Variants in PIGG observed in about 807,000 individuals in gnomAD.
The protein encoded by PIGG is GPI ethanolamine phosphate transferase 2, catalytic subunit.
A neutral mutation model predicts 83.2 loss-of-function variants in PIGG; 70 were observed. That is an observed-to-expected ratio of 0.84 (90% CI 0.69 to 1.03). The LOEUF (loss-of-function observed/expected upper bound fraction) is 1.03, where lower values mean the gene tolerates loss of function less well. PIGG is among the 50% of genes least tolerant of loss of function. The probability of loss-of-function intolerance (pLI) is 0.00; values close to 1 mark genes in which losing one functional copy is unlikely to be tolerated. For missense variants in PIGG, 1,257 were observed against 1,233.6 expected (o/e 1.02, Z -0.28); for synonymous variants, 532 against 519.5 (o/e 1.02, Z -0.33).
intron 12 of PIGG, among the ~76,000 whole-genome samples, chr4:537,527 G>C (rs928440352): frequency 6.6e-6 from 1 of 152,218 alleles, no homozygotes; most frequent in African/African-American, 2.4e-5. Context: ...TCACCAGGAG[G>C]TGTATTGAGG....
At chr4:531,782 C>T (rs1486160633) in intron 11 of PIGG, 4 of 152,580 alleles carry the variant, frequency 2.6e-5, no homozygotes, top group African/African-American at 9.6e-5. Context: ...AGGCCCCTGT[C>T]CTCCTCGTAC....
chr4:516,534 G>C (rs767794628), intron 6 of PIGG, among the ~76,000 whole-genome samples: 3 of 152,294 alleles, frequency 2.0e-5, no homozygotes, highest in East Asian at 1.9e-4. Flanking sequence ...GGAAGTGATC[G>C]ATGGCCGATG....
At position 499,483 on chromosome 4, in the gene PIGG, TC is replaced by T. The variant is rs2108738309; in HGVS notation, c.149del (p.Ser50TrpfsTer23). ...AGCGGAGCCCCCAGCGCCCGAACCC[TC>T]GGCTGGTACGGACCCCTCCCCGGCG... ...HGAEPPAPEP[S>X]AGASSNWTTL... On this transcript the variant is annotated frameshift_variant, in exon 1 of 13. Transcript: ENST00000453061. LOFTEE classifies it high-confidence loss of function. The T allele has an allele frequency of 6.3e-7, 1 of 1,596,960 alleles. No individual in the cohort carries two copies. Among genetic ancestry groups the T allele is most frequent in the East Asian group, 2.2e-5 (1 of 44,648 alleles).
In PIGG at chr4:523,599, G is replaced by A. The variant is rs1247679300; in HGVS notation, c.1755G>A (p.Leu585=). ...HQTWYFLVNT[L]CLALSQETYR... is the part of the protein sequence containing the mutation. The stretch of plus-strand genomic sequence containing the variant: ...CCTGGTACTTCCTTGTGAACACCCT[G>A]TGTCTAGCTCTGAGCCAAGAAACCT... Residue 585 remains leucine, a synonymous_variant, in exon 9 of 13, where the codon CTG becomes CTA. Transcript: ENST00000453061. 1 of 1,614,048 alleles carries A rather than the reference G, an allele frequency of 6.2e-7. No homozygotes were observed. The highest frequency in any genetic ancestry group is 8.5e-7 in the Non-Finnish European group (1 of 1,180,028).
intron 7 of PIGG, 74 bp downstream of exon 7, chr4:521,347 A>AAT (rs920205394): frequency 3.6e-5 from 33 of 906,986 alleles, no homozygotes; most frequent in African/African-American, 6.8e-5. Flanking sequence ...TATAGTTTTA[A>AAT]ATATATATAT....
chr4:518,927 C>T (rs1280756541), intron 6 of PIGG, among the ~76,000 whole-genome samples: 4 of 152,184 alleles, frequency 2.6e-5, no homozygotes, highest in Non-Finnish European at 4.4e-5. Flanking sequence ...TGTGCCCACC[C>T]GGCTCTCTCA....
At chr4:530,157 A>G (rs761039930) in intron 10 of PIGG, among the ~76,000 whole-genome samples, 17 of 152,138 alleles carry the variant, frequency 1.1e-4, no homozygotes, top group Non-Finnish European at 2.1e-4. Flanking sequence ...AGATGAGCCA[A>G]ATGAGCAAGA....
intron 2 of PIGG, among the ~76,000 whole-genome samples, chr4:503,018 A>C (rs1378676746): frequency 6.6e-6 from 1 of 152,168 alleles, no homozygotes; most frequent in Non-Finnish European, 1.5e-5. Context: ...GCCAATAAGC[A>C]TATGCAGAGA....
intron 5 of PIGG, 70 bp downstream of exon 5, chr4:509,040 T>C: frequency 1.5e-6 from 2 of 1,368,932 alleles, no homozygotes; most frequent in Non-Finnish European, 2.0e-6. Context: ...GTTTTAATTT[T>C]GAAAACCTAT....
In PIGG at chr4:530,756, A is replaced by T. The variant is rs777836603; in HGVS notation, c.2571+11A>T. 1.3e-6 allele frequency: 2 copies of T among 1,542,834 alleles called. No homozygotes were observed. The highest frequency in any genetic ancestry group is 1.8e-6 in the Non-Finnish European group (2 of 1,117,768). ...TTCTTCTATTTTCAGGTAGGTTTTC[A>T]TTATTATCATGGGTAGTAGACTTCA... On this transcript the variant is annotated intron_variant, in intron 11 of 12. Transcript: ENST00000453061.
In PIGG at chr4:505,632, C is replaced by CAA. The variant is rs374663154; in HGVS notation, c.361-70_361-69dup. ...TGAGCAACAGAGAGGGACCCTGTCT[C>CAA]AAAAAAAAAAAAAAAAATCTTCAGT... On this transcript the variant is annotated intron_variant, in intron 2 of 12. Transcript: ENST00000453061. 0.096 allele frequency: 69,163 copies of CAA among 718,828 alleles called. 2,690 individuals carry two copies. The highest frequency in any genetic ancestry group is 0.11 in the Middle Eastern group (250 of 2,352). 44.5% of individuals were successfully genotyped at this position (718,828 alleles called of 1,614,324 possible).
intron 11 of PIGG, 104 bp from the exon 12 acceptor site, chr4:533,713 TG>T: frequency 9.2e-7 from 1 of 1,082,746 alleles, no homozygotes; most frequent in Non-Finnish European, 1.4e-6. Context: ...CGTGGTTATC[TG>T]GGCTGCCTAC....
At chr4:522,874 A>T (rs529003969) in intron 8 of PIGG, 167 of 153,450 alleles carry the variant, frequency 1.1e-3, no homozygotes, top group Non-Finnish European at 2.0e-3. Context: ...AAGTTAGTAT[A>T]TTTAAGAGAC....
intron 4 of PIGG, among the ~76,000 whole-genome samples, chr4:508,025 CTGTT>C (rs1240974367): frequency 1.4e-4 from 21 of 152,338 alleles, no homozygotes; most frequent in African/African-American, 4.6e-4. Context: ...GTCACTCTGT[CTGTT>C]CTGTGTCTCT....
At chr4:533,424 A>G in intron 11 of PIGG, 1 of 187,380 alleles carries the variant, frequency 5.3e-6, no homozygotes, top group South Asian at 1.2e-4. Context: ...TCAGGGCCCT[A>G]TGCGCCCCTC....
chr4:521,418 T>C, intron 7 of PIGG, 145 bp downstream of exon 7: 1 of 701,826 alleles, frequency 1.4e-6, no homozygotes, highest in Non-Finnish European at 2.4e-6. Context: ...TGGTGTGTCC[T>C]GATTTGTGAC....
At chr4:533,788 G>A in intron 11 of PIGG, 30 bp from the exon 12 acceptor site, 1 of 1,610,396 alleles carries the variant, frequency 6.2e-7, no homozygotes, top group African/African-American at 1.3e-5. Context: ...GTGTTGTGAG[G>A]CCTTTGTCAG....
Position 523,597 on chromosome 4 carries a change from C to CTTG in PIGG, c.1754_1755insTGT (p.Leu585_Cys586insVal), listed in dbSNP as rs767421860. ...GACCTGGTACTTCCTTGTGAACACC[C>CTTG]TGTGTCTAGCTCTGAGCCAAGAAAC... is the stretch of plus-strand genomic sequence containing the variant. On this transcript the variant is annotated inframe_insertion, in exon 9 of 13. Transcript: ENST00000453061. 9.3e-6 allele frequency: 15 copies of CTTG among 1,614,148 alleles called. No homozygotes were observed. The South Asian group carries it at 1.6e-4, about 18-fold the overall frequency.
chr4:511,337 T>A (rs958416460), intron 5 of PIGG, among the ~76,000 whole-genome samples: 6 of 152,052 alleles, frequency 3.9e-5, no homozygotes, highest in Non-Finnish European at 7.4e-5. Flanking sequence ...ATTTCTTTTG[T>A]TATTAAATAG....
Sources: gnomAD v4.1 joint callset for allele counts (sites outside exome capture counted in the v4.1 genomes callset) on GRCh38, gnomAD v4.1.1 for gene constraint, MANE v1.5 for transcripts, NCBI Gene and HGNC (gene_info 2026-07-23, HGNC 2026-07-21) for gene names.